Variants in IFIT1B observed in about 807,000 individuals in gnomAD.
IFIT1B encodes the protein protein IFIT1 homolog B.
In IFIT1B, 3 loss-of-function variants were observed where a neutral mutation model predicts 2.5. That is an observed-to-expected ratio of 1.21 (90% CI 0.55 to 3.14). IFIT1B has a LOEUF of 3.14. Ranked by LOEUF, IFIT1B falls within the 30% of genes most tolerant of loss-of-function variation. The pLI, the probability that IFIT1B is intolerant of heterozygous loss-of-function variation, is 0.03. For synonymous variants in IFIT1B, 196 were observed against 203.0 expected, an observed-to-expected ratio of 0.97 and a Z score of 0.29; for missense variants, 545 against 556.5, an observed-to-expected ratio of 0.98 and a Z score of 0.21.
At chr10:89,378,976 G>A (rs76143606) in intron 1 of IFIT1B, among the ~76,000 whole-genome samples, 132 of 152,234 alleles carry the variant, frequency 8.7e-4, no homozygotes, top group African/African-American at 2.9e-3. Flanking sequence ...ACTGGCCCGG[G>A]GACCAGTCAG....
chr10:89,383,207 T>C (rs1844176246), intron 1 of IFIT1B, 112 bp from the exon 2 acceptor site: 16 of 926,498 alleles, frequency 1.7e-5, no homozygotes, highest in South Asian at 5.1e-5. Flanking sequence ...CACCAGATAA[T>C]GGAGGCAGGG....
chr10:89,384,199 A>T lies in IFIT1B; in HGVS notation c.886A>T (p.Arg296Trp). Residue 296 changes from arginine to tryptophan, a missense_variant, in exon 2 of 2, where the codon AGG (arginine) becomes TGG (tryptophan). Arg to Trp is a moderately radical substitution (Grantham distance 101, BLOSUM62 -3). Coordinates refer to ENST00000371809, the MANE Select transcript of IFIT1B (RefSeq NM_001010987.2). ...FLHHQMGLCY[R>W]AQMIQIKEAT... ...GCATCACCAAATGGGGCTTTGCTAC[A>T]GGGCACAAATGATCCAAATCAAGGA... 6.2e-7 allele frequency: 1 copy of T among 1,614,188 alleles called. No individual in the cohort carries two copies. Among genetic ancestry groups the T allele is most frequent in the Non-Finnish European group, 8.5e-7 (1 of 1,180,020 alleles).
rs777715430 is a variant in IFIT1B, at chr10:89,384,459, C to T, written c.1146C>T (p.Tyr382=). 4.1e-5 allele frequency: 66 copies of T among 1,614,050 alleles called. No homozygotes were observed. The highest frequency in any genetic ancestry group is 4.6e-5 in the Non-Finnish European group (54 of 1,180,030). The change falls in exon 2 of 2, where the codon TAC becomes TAT. Residue 382 remains tyrosine, a synonymous_variant. Coordinates refer to ENST00000371809, the MANE Select transcript of IFIT1B (RefSeq NM_001010987.2). Reference sequence around the variant, plus strand: ...ATCAGCTAAAGCAAGAGATTCATTACCACTACGGCCGTTTCCAAGAACATC... The same window carrying T: ...ATCAGCTAAAGCAAGAGATTCATTATCACTACGGCCGTTTCCAAGAACATC... ...FEDQLKQEIH[Y]HYGRFQEHHG...
In IFIT1B at chr10:89,383,896, T is replaced by C; in HGVS notation, c.583T>C (p.Ser195Pro). Reference protein sequence around the residue: ...VYRLDKFNTASGRNKAFSLHV... With the variant: ...VYRLDKFNTAPGRNKAFSLHV... Reference sequence around the variant, plus strand: ...TCGCCTGGATAAATTTAACACAGCATCAGGGAGGAATAAGGCATTTTCTCT... The same window carrying C: ...TCGCCTGGATAAATTTAACACAGCACCAGGGAGGAATAAGGCATTTTCTCT... Residue 195 changes from serine to proline, a missense_variant, in exon 2 of 2, where the codon TCA becomes CCA. Coordinates refer to ENST00000371809, the MANE Select transcript of IFIT1B (RefSeq NM_001010987.2). 6.2e-7 allele frequency: 1 copy of C among 1,614,110 alleles called. No homozygotes were observed. The highest frequency in any genetic ancestry group is 8.5e-7 in the Non-Finnish European group (1 of 1,180,032).
chr10:89,383,255 G>A, intron 1 of IFIT1B, 64 bp from the exon 2 acceptor site: 1 of 1,403,480 alleles, frequency 7.1e-7, no homozygotes, highest in African/African-American at 1.4e-5. Context: ...TTGAAGTGCT[G>A]GCTTCATTTT....
Position 89,384,194 on chromosome 10 carries a change from G to C in IFIT1B, c.881G>C (p.Cys294Ser). Residue 294 changes from cysteine to serine, a missense_variant, in exon 2 of 2, where the codon TGC becomes TCC. Transcript: ENST00000371809. The part of the protein sequence containing the change: ...SAFLHHQMGL[C>S]YRAQMIQIKE... Reference sequence around the variant, plus strand: ...TTCCTGCATCACCAAATGGGGCTTTGCTACAGGGCACAAATGATCCAAATC... The same window carrying C: ...TTCCTGCATCACCAAATGGGGCTTTCCTACAGGGCACAAATGATCCAAATC... The C allele has an allele frequency of 6.2e-7, 1 of 1,614,170 alleles. No individual in the cohort carries two copies. Among genetic ancestry groups the C allele is most frequent in the South Asian group, 1.1e-5 (1 of 91,084 alleles).
Position 89,384,458 on chromosome 10 carries a change from A to G in IFIT1B, c.1145A>G (p.Tyr382Cys), listed in dbSNP as rs1429345912. The G allele has an allele frequency of 5.0e-6, 8 of 1,614,106 alleles. No individual in the cohort carries two copies. In the East Asian group the frequency reaches 1.8e-4, roughly 36 times the overall value. ...GATCAGCTAAAGCAAGAGATTCATT[A>G]CCACTACGGCCGTTTCCAAGAACAT... The part of the protein sequence containing the change: ...FEDQLKQEIH[Y>C]HYGRFQEHHG... Residue 382 changes from tyrosine (Y) to cysteine (C), a missense_variant, in exon 2 of 2, where the codon TAC (tyrosine) becomes TGC (cysteine). Transcript: ENST00000371809.
At chr10:89,379,048 A>C (rs1357797884) in intron 1 of IFIT1B, among the ~76,000 whole-genome samples, 4 of 152,210 alleles carry the variant, frequency 2.6e-5, no homozygotes, top group Non-Finnish European at 5.9e-5. Context: ...AGGTGAGAAG[A>C]AGCAGCTATT....
At chr10:89,382,416 A>G (rs1844170011) in intron 1 of IFIT1B, among the ~76,000 whole-genome samples, 2 of 152,364 alleles carry the variant, frequency 1.3e-5, no homozygotes, top group South Asian at 2.1e-4. Flanking sequence ...TAGGGAGACT[A>G]GGACTTCAGT....
intron 1 of IFIT1B, among the ~76,000 whole-genome samples, chr10:89,382,075 C>G (rs304492): frequency 6.6e-6 from 1 of 151,920 alleles, no homozygotes; most frequent in East Asian, 1.9e-4. Flanking sequence ...TGGCCGTGAA[C>G]TTTTTCTTTC....
In IFIT1B at chr10:89,383,763, G is replaced by T; in HGVS notation, c.450G>T (p.Ala150=). The T allele has an allele frequency of 6.2e-7, 1 of 1,614,188 alleles. No individual in the cohort carries two copies. The highest frequency in any genetic ancestry group is 1.3e-5 in the African/African-American group (1 of 75,034). The change falls in exon 2 of 2, where the codon GCG becomes GCT. Residue 150 remains alanine, a synonymous_variant. Coordinates refer to ENST00000371809, the MANE Select transcript of IFIT1B (RefSeq NM_001010987.2). ...EVDCEEGWAL[A]KCGGKNYERA... Reference sequence around the variant, plus strand: ...ACTGTGAGGAAGGATGGGCCTTGGCGAAGTGTGGTGGAAAGAATTATGAAC... The same window carrying T: ...ACTGTGAGGAAGGATGGGCCTTGGCTAAGTGTGGTGGAAAGAATTATGAAC...
intron 1 of IFIT1B, among the ~76,000 whole-genome samples, chr10:89,382,538 A>C (rs1844170877): frequency 6.6e-6 from 1 of 152,148 alleles, no homozygotes; most frequent in African/African-American, 2.4e-5. Context: ...AATTGTTGAG[A>C]TTTTATAGCC....
chr10:89,381,247 A>T (rs1211492617), intron 1 of IFIT1B, among the ~76,000 whole-genome samples: 1 of 152,180 alleles, frequency 6.6e-6, no homozygotes, highest in Non-Finnish European at 1.5e-5. Context: ...GTCTGTTCTC[A>T]TCATAGCACA....
Position 89,384,660 on chromosome 10 carries a change from GA to G in IFIT1B, c.1350del (p.Gly451GlufsTer3). 1 of 1,614,228 alleles carries G rather than the reference GA, an allele frequency of 6.2e-7. No homozygotes were observed. The highest frequency in any genetic ancestry group is 2.2e-5 in the East Asian group (1 of 44,890). On this transcript the variant is annotated frameshift_variant, in exon 2 of 2. Transcript: ENST00000371809. LOFTEE classifies it low-confidence loss of function (END_TRUNC). ...VSLLGLIHKLKGEVSDALLCY... is the reference protein window; with the variant it reads ...VSLLGLIHKLXGEVSDALLCY... The stretch of plus-strand genomic sequence containing the variant: ...GCCTCCTTGGGCTTATCCACAAATT[GA>G]AAGGAGAAGTAAGTGATGCTTTGCT...
At position 89,384,674 on chromosome 10, in the gene IFIT1B, G is replaced by A. The variant is rs749836927; in HGVS notation, c.1361G>A (p.Ser454Asn). 3.7e-6 allele frequency: 6 copies of A among 1,614,120 alleles called. No homozygotes were observed. In the African/African-American group the frequency reaches 4.0e-5, roughly 11 times the overall value. The change falls in exon 2 of 2, where the codon AGT becomes AAT. Residue 454 changes from serine to asparagine, a missense_variant. Physicochemically the swap from Ser to Asn is conservative, Grantham distance 46. Transcript: ENST00000371809. ...GLIHKLKGEV[S>N]DALLCYERAL... The stretch of plus-strand genomic sequence containing the variant: ...ATCCACAAATTGAAAGGAGAAGTAA[G>A]TGATGCTTTGCTGTGCTATGAGAGG...
In IFIT1B at chr10:89,384,652, C is replaced by G. The variant is rs763919957; in HGVS notation, c.1339C>G (p.His447Asp). The change falls in exon 2 of 2, where the codon CAC (histidine) becomes GAC (aspartate). Residue 447 changes from histidine to aspartate, a missense_variant. Coordinates refer to ENST00000371809, the MANE Select transcript of IFIT1B (RefSeq NM_001010987.2). ...AAGTGTCAGCCTCCTTGGGCTTATC[C>G]ACAAATTGAAAGGAGAAGTAAGTGA... is the stretch of plus-strand genomic sequence containing the variant. The part of the protein sequence containing the change: ...VESVSLLGLI[H>D]KLKGEVSDAL... The G allele has an allele frequency of 1.2e-6, 2 of 1,614,134 alleles. No individual in the cohort carries two copies. Among genetic ancestry groups the G allele is most frequent in the South Asian group, 2.2e-5 (2 of 91,078 alleles).
Position 89,383,984 on chromosome 10 carries a change from C to T in IFIT1B, c.671C>T (p.Ala224Val). ...PDDVYIRVLL[A>V]LKLQDEGQEA... ...GATGTATATATTAGGGTTCTCCTTGCCCTGAAGCTTCAGGATGAAGGACAG... is the reference window on the plus strand; with the variant it reads ...GATGTATATATTAGGGTTCTCCTTGTCCTGAAGCTTCAGGATGAAGGACAG... Residue 224 changes from alanine to valine, a missense_variant, in exon 2 of 2, where the codon GCC (alanine) becomes GTC (valine). By Grantham distance (64) the Ala-to-Val change is moderately conservative (BLOSUM62 0). Coordinates refer to ENST00000371809, the MANE Select transcript of IFIT1B (RefSeq NM_001010987.2). The T allele has an allele frequency of 6.2e-7, 1 of 1,614,140 alleles. No homozygotes were observed. Among genetic ancestry groups the T allele is most frequent in the Non-Finnish European group, 8.5e-7 (1 of 1,180,020 alleles).
chr10:89,384,965 C>G lies in IFIT1B; in HGVS notation c.*227C>G, dbSNP rs987939740. Reference sequence around the variant, plus strand: ...CAGACATAAGACCCCCTGAAAGTATCATCCCTCCTGATGGAATGGTAAAGC... The same window carrying G: ...CAGACATAAGACCCCCTGAAAGTATGATCCCTCCTGATGGAATGGTAAAGC... On this transcript the variant is annotated 3_prime_UTR_variant, in exon 2 of 2. Transcript: ENST00000371809. 6 of 506,014 alleles carry G rather than the reference C, an allele frequency of 1.2e-5. No individual in the cohort carries two copies. The highest frequency in any genetic ancestry group is 1.1e-4 in the African/African-American group (6 of 52,434). The allele number at this position is 506,014 out of a possible 1,614,324, so 31.3% of individuals were successfully genotyped here. A position where few individuals can be genotyped will look rare whatever the true frequency, so the allele number is the denominator to read the frequency against.
Position 89,384,033 on chromosome 10 carries a change from T to C in IFIT1B, c.720T>C (p.Ile240=). ...EGQEAEGEKY[I]EEALTSISSQ... ...AGGAAGCTGAAGGAGAAAAGTACAT[T>C]GAAGAAGCTCTGACCAGTATATCTT... is the stretch of plus-strand genomic sequence containing the variant. Residue 240 remains isoleucine (I), a synonymous_variant, in exon 2 of 2, where the codon ATT becomes ATC. Transcript: ENST00000371809. 4 of 1,614,190 alleles carry C rather than the reference T, an allele frequency of 2.5e-6. No individual in the cohort carries two copies. The highest frequency in any genetic ancestry group is 3.4e-6 in the Non-Finnish European group (4 of 1,180,032).
Sources: allele counts gnomAD v4.1 joint callset (sites outside exome capture counted in the v4.1 genomes callset), GRCh38; gene constraint gnomAD v4.1.1; transcripts MANE v1.5; gene names NCBI Gene and HGNC (gene_info 2026-07-23, HGNC 2026-07-21).